NRXN1: variants seen among roughly 807,000 people sequenced by gnomAD.
The protein encoded by NRXN1 is neurexin-1.
NRXN1 carries 39 observed loss-of-function variants against 150.9 expected under a neutral mutation model. The ratio of observed to expected loss-of-function variants is 0.26; its 90% CI spans 0.20 to 0.34. NRXN1 has a LOEUF of 0.34. Among genes scored for constraint, NRXN1 ranks in the 10% least tolerant of loss-of-function variants. The pLI, the probability that NRXN1 is intolerant of heterozygous loss-of-function variation, is 1.00. For synonymous variants in NRXN1, 924 were observed against 757.0 expected, an observed-to-expected ratio of 1.22 and a Z score of -3.62; for missense variants, 1,815 against 1,949.9, an observed-to-expected ratio of 0.93 and a Z score of 1.30.
chr2:50,225,435 A>G (rs2064278592), intron 18 of NRXN1, among the ~76,000 whole-genome samples: 1 of 152,020 alleles, frequency 6.6e-6, no homozygotes, highest in Non-Finnish European at 1.5e-5. Flanking sequence ...AGAGTTTACA[A>G]TTTAATGGGC....
intron 17 of NRXN1, among the ~76,000 whole-genome samples, chr2:50,437,729 TGA>T (rs1422864600): frequency 6.7e-6 from 1 of 149,504 alleles, no homozygotes; most frequent in Non-Finnish European, 1.5e-5. Context: ...TGTGTGTGTG[TGA>T]AAAGACAAAA....
rs564513051 is a variant in NRXN1 at position 51,001,863 on chromosome 2, T to C, written c.772+25639A>G. On this transcript the variant is annotated intron_variant, in intron 2 of 22. Transcript: ENST00000401669. ...CACTCCTGAAGCACATCACAAAACA[T>C]AGGAAAGATTTTCTGACCTTCTCCT... is the stretch of plus-strand genomic sequence containing the variant. 4.6e-5 allele frequency among the ~76,000 whole-genome samples: 7 copies of C among 152,036 alleles called. No individual in the cohort carries two copies. The East Asian group carries it at 5.9e-4, about 13-fold the overall frequency.
chr2:50,176,274 G>A (rs907200316), intron 18 of NRXN1, among the ~76,000 whole-genome samples: 24 of 152,124 alleles, frequency 1.6e-4, no homozygotes, highest in African/African-American at 5.8e-4. Flanking sequence ...GGTCTAGAAA[G>A]TTAAAAAATG....
At chr2:50,910,697 A>C (rs1478911838) in intron 5 of NRXN1, among the ~76,000 whole-genome samples, 1 of 151,988 alleles carries the variant, frequency 6.6e-6, no homozygotes, top group Non-Finnish European at 1.5e-5. Flanking sequence ...AATAGAGGTA[A>C]ATATTAGGTA....
chr2:50,653,230 T>C (rs1403177546), intron 5 of NRXN1, among the ~76,000 whole-genome samples: 3 of 152,048 alleles, frequency 2.0e-5, no homozygotes, highest in Non-Finnish European at 2.9e-5. Context: ...AATAAATGAT[T>C]TATGAATAGG....
At chr2:50,911,186 A>G (rs1271156816) in intron 5 of NRXN1, among the ~76,000 whole-genome samples, 1 of 151,870 alleles carries the variant, frequency 6.6e-6, no homozygotes, top group Non-Finnish European at 1.5e-5. Flanking sequence ...CTAGACCCTA[A>G]AGTTGCCCTC....
At chr2:50,691,415 C>A (rs1052211058) in intron 5 of NRXN1, among the ~76,000 whole-genome samples, 2 of 152,028 alleles carry the variant, frequency 1.3e-5, no homozygotes, top group Non-Finnish European at 2.9e-5. Flanking sequence ...ATTTTGATAG[C>A]AATTCAAATA....
At chr2:50,482,247 G>T (rs1185216747) in intron 15 of NRXN1, among the ~76,000 whole-genome samples, 1 of 152,180 alleles carries the variant, frequency 6.6e-6, no homozygotes, top group Non-Finnish European at 1.5e-5. Flanking sequence ...TGCTATGGGA[G>T]CGTGTAGAGT....
At chr2:50,626,991 A>T (rs1014792691) in intron 5 of NRXN1, among the ~76,000 whole-genome samples, 1 of 151,940 alleles carries the variant, frequency 6.6e-6, no homozygotes, top group African/African-American at 2.4e-5. Context: ...ACAGATATTC[A>T]TTCCTATTAG....
chr2:51,027,649 G>C lies in NRXN1; in HGVS notation c.625C>G (p.Pro209Ala). 6.2e-7 allele frequency: 1 copy of C among 1,600,420 alleles called. No homozygotes were observed. The highest frequency in any genetic ancestry group is 1.1e-5 in the South Asian group (1 of 89,008). ...SGEVKLDDEP[P>A]NSGGGSPCEA... The stretch of plus-strand genomic sequence containing the variant: ...CACGGGCTTCCCCCGCCGCTGTTGG[G>C]CGGCTCATCGTCCAGCTTCACCTCG... The change falls in exon 2 of 23, where the codon CCC becomes GCC. Residue 209 changes from proline (P) to alanine (A), a missense_variant. Around this residue, in one of 6 missense-constraint regions of NRXN1, gnomAD observed 554 missense variants for 478.8 expected, o/e 1.16. Transcript: ENST00000401669.
At chr2:50,020,016 T>C (rs1009432007) in intron 21 of NRXN1, among the ~76,000 whole-genome samples, 1 of 146,222 alleles carries the variant, frequency 6.8e-6, no homozygotes, top group East Asian at 2.0e-4. Flanking sequence ...CATTAACTAT[T>C]ATAAGGTGGT....
At chr2:50,859,263 C>A (rs946498087) in intron 5 of NRXN1, among the ~76,000 whole-genome samples, 1 of 151,968 alleles carries the variant, frequency 6.6e-6, no homozygotes, top group African/African-American at 2.4e-5. Context: ...ACCCACCAGA[C>A]CTCTGCATTT....
At chr2:50,510,225 C>T (rs1278451568) in intron 12 of NRXN1, among the ~76,000 whole-genome samples, 2 of 152,072 alleles carry the variant, frequency 1.3e-5, no homozygotes, top group African/African-American at 4.8e-5. Context: ...TGGTGGCTCT[C>T]GTCTGTAATC....
intron 21 of NRXN1, among the ~76,000 whole-genome samples, chr2:50,010,655 C>T (rs1016976081): frequency 6.6e-6 from 1 of 152,104 alleles, no homozygotes; most frequent in African/African-American, 2.4e-5. Context: ...AAAATCCCCT[C>T]TCTCTGGTCC....
chr2:50,734,459 GCTTT>G (rs1374316736), intron 5 of NRXN1, among the ~76,000 whole-genome samples: 3 of 152,014 alleles, frequency 2.0e-5, no homozygotes, highest in African/African-American at 7.3e-5. Context: ...GTGTTGCACC[GCTTT>G]CTTTGTCTTT....
intron 5 of NRXN1, chr2:50,696,229 C>T (rs1692838376): frequency 6.7e-6 from 1 of 148,614 alleles, no homozygotes; most frequent in Non-Finnish European, 1.5e-5. Flanking sequence ...TACACATATG[C>T]TATATACACA....
intron 17 of NRXN1, among the ~76,000 whole-genome samples, chr2:50,374,088 C>T (rs1263449060): frequency 1.0e-5 from 1 of 97,514 alleles, no homozygotes; most frequent in Non-Finnish European, 1.8e-5. Context: ...CACTTCATCT[C>T]AGGACTAGCC....
intron 5 of NRXN1, among the ~76,000 whole-genome samples, chr2:50,649,371 A>G (rs1208022095): frequency 6.6e-6 from 1 of 151,916 alleles, no homozygotes; most frequent in East Asian, 1.9e-4. Context: ...ATCTATAGAC[A>G]TTGTCATAGA....
At chr2:50,198,907 C>A (rs987795592) in intron 18 of NRXN1, among the ~76,000 whole-genome samples, 2 of 152,052 alleles carry the variant, frequency 1.3e-5, no homozygotes, top group South Asian at 4.2e-4. Flanking sequence ...AGAGGAAAGG[C>A]CTAATTTTGT....
Sources: gnomAD v4.1 joint callset for allele counts (sites outside exome capture counted in the v4.1 genomes callset) on GRCh38, gnomAD v4.1.1 for gene constraint, gnomAD v4.1.1 regional missense constraint, MANE v1.5 for transcripts, NCBI Gene and HGNC (gene_info 2026-07-23, HGNC 2026-07-21) for gene names.